DGKD: variants seen among roughly 807,000 people sequenced by gnomAD.
DGKD encodes diacylglycerol kinase delta, also known as DAG kinase delta.
DGKD carries 68 observed loss-of-function variants against 154.4 expected under a neutral mutation model. The observed-to-expected ratio is 0.44, with a 90% CI of 0.36 to 0.54. The LOEUF (loss-of-function observed/expected upper bound fraction) is 0.54, where lower values mean the gene tolerates loss of function less well. DGKD is among the 20% of genes least tolerant of loss of function. The pLI is 0.00. For synonymous variants in DGKD, 693 were observed against 638.0 expected (o/e 1.09, Z -1.30); for missense variants, 1,343 against 1,593.6 (o/e 0.84, Z 2.68).
At chr2:233,424,352 T>C (rs1348694208) in intron 3 of DGKD, among the ~76,000 whole-genome samples, 1 of 152,238 alleles carries the variant, frequency 6.6e-6, no homozygotes, top group African/African-American at 2.4e-5. Context: ...CTGATGTCAA[T>C]CAGTGAACTG....
At chr2:233,456,175 G>T (rs2063454233) in intron 19 of DGKD, among the ~76,000 whole-genome samples, 1 of 152,198 alleles carries the variant, frequency 6.6e-6, no homozygotes, top group African/African-American at 2.4e-5. Context: ...GAAGTCATTG[G>T]AAATGTTGGT....
intron 29 of DGKD, among the ~76,000 whole-genome samples, 192 bp downstream of exon 29, chr2:233,468,745 G>A (rs934833980): frequency 6.6e-6 from 1 of 152,226 alleles, no homozygotes; most frequent in African/African-American, 2.4e-5. Context: ...ACCAGAGGAA[G>A]CCAGGAGCAG....
In DGKD at chr2:233,354,784, C is replaced by T. The variant is rs1574965251; in HGVS notation, c.156+110C>T. 3.6e-6 allele frequency: 2 copies of T among 551,420 alleles called. No individual in the cohort carries two copies. Among genetic ancestry groups the T allele is most frequent in the African/African-American group, 2.1e-5 (1 of 48,386 alleles). 34.2% of individuals were successfully genotyped at this position (551,420 alleles called of 1,614,324 possible). On this transcript the variant is annotated intron_variant, in intron 1 of 29. Transcript: ENST00000264057. The surrounding 1 kb of genome is among the most constrained non-coding windows in gnomAD (Gnocchi z 4.8). ...CGCCCAGGCCCGGCTCGGCCCGGCC[C>T]GGGGTCCCGCGGGCGTCACCGCCCC...
In DGKD at chr2:233,457,309, G is replaced by T; in HGVS notation, c.2561G>T (p.Gly854Val). The change falls in exon 21 of 30, where the codon GGG (glycine) becomes GTG (valine). Residue 854 changes from glycine to valine, a missense_variant. Coordinates refer to ENST00000264057, the MANE Select transcript of DGKD (RefSeq NM_152879.3). The surrounding 1 kb of genome is among the most constrained non-coding windows in gnomAD (Gnocchi z 5.5). Reference sequence around the variant, plus strand: ...TATGCCGGAGGAACCAACTTCTGGGGGGGTACCAAGGAAGATGATGTATGT... The same window carrying T: ...TATGCCGGAGGAACCAACTTCTGGGTGGGTACCAAGGAAGATGATGTATGT... ...PSYAGGTNFW[G>V]GTKEDDTFAA... is the part of the protein sequence containing the mutation. 2.0e-6 allele frequency: 3 copies of T among 1,536,746 alleles called. No individual in the cohort carries two copies. Among genetic ancestry groups the T allele is most frequent in the Non-Finnish European group, 2.6e-6 (3 of 1,140,880 alleles).
chr2:233,371,435 G>C (rs1401151219), intron 1 of DGKD, among the ~76,000 whole-genome samples: 10 of 151,988 alleles, frequency 6.6e-5, no homozygotes, highest in Admixed American at 5.2e-4. Context: ...TATATTTTGG[G>C]TACTAGAACT....
intron 1 of DGKD, among the ~76,000 whole-genome samples, chr2:233,361,675 A>T (rs2125376785): frequency 6.6e-6 from 1 of 152,390 alleles, no homozygotes; most frequent in East Asian, 1.9e-4. Context: ...CACACTGGCC[A>T]GATGGCTCAC....
intron 1 of DGKD, among the ~76,000 whole-genome samples, chr2:233,387,287 G>T (rs1174221427): frequency 6.6e-6 from 1 of 152,220 alleles, no homozygotes; most frequent in African/African-American, 2.4e-5. Flanking sequence ...GAACCAATGT[G>T]CTTGTCTTTG....
chr2:233,455,836 A>G (rs575960552), intron 19 of DGKD, among the ~76,000 whole-genome samples: 1 of 152,336 alleles, frequency 6.6e-6, no homozygotes, highest in South Asian at 2.1e-4. Context: ...GGAAAACAAA[A>G]GCATCAGAAC....
intron 3 of DGKD, among the ~76,000 whole-genome samples, chr2:233,400,648 C>G (rs1003581709): frequency 6.6e-6 from 1 of 152,140 alleles, no homozygotes; most frequent in South Asian, 2.1e-4. Flanking sequence ...ATTTGACTCC[C>G]TCAGTGGGTG....
In DGKD at chr2:233,458,150, G is replaced by A. The variant is rs996505329; in HGVS notation, c.2581-134G>A. The A allele has an allele frequency of 3.9e-5, 22 of 561,902 alleles. No individual in the cohort carries two copies. The highest frequency in any genetic ancestry group is 1.5e-4 in the African/African-American group (8 of 53,874). 34.8% of individuals were successfully genotyped at this position (561,902 alleles called of 1,614,324 possible). A position where few individuals can be genotyped will look rare whatever the true frequency, so the allele number is the denominator to read the frequency against. On this transcript the variant is annotated intron_variant, in intron 21 of 29. Coordinates refer to ENST00000264057, the MANE Select transcript of DGKD (RefSeq NM_152879.3). This position sits in a 1 kb window ranked among gnomAD's most constrained non-coding sequence, Gnocchi z 6.6. ...TTTCAGGGCCTGCAACATGAAGCCC[G>A]TCAGGAGTGCAGTTACCTGGTAACT...
chr2:233,437,359 CG>C lies in DGKD; in HGVS notation c.820-14del, dbSNP rs1388907811. 1 of 1,611,226 alleles carries C rather than the reference CG, an allele frequency of 6.2e-7. No individual in the cohort carries two copies. Among genetic ancestry groups the C allele is most frequent in the Admixed American group, 1.7e-5 (1 of 59,988 alleles). On this transcript the variant is annotated splice_polypyrimidine_tract_variant and intron_variant, in intron 7 of 29. Coordinates refer to ENST00000264057, the MANE Select transcript of DGKD (RefSeq NM_152879.3). ...AGGATGCCAGTGACCCTTGGTGACG[CG>C]GGGACTCTTGTTTCAGGTTCACACA...
At chr2:233,369,874 G>A (rs1011797756) in intron 1 of DGKD, among the ~76,000 whole-genome samples, 2 of 152,150 alleles carry the variant, frequency 1.3e-5, no homozygotes, top group South Asian at 4.1e-4. Flanking sequence ...TTCTGTGTCT[G>A]AGGGTAAAGG....
Position 233,446,733 on chromosome 2 carries a change from G to A in DGKD, c.1356G>A (p.Glu452=), listed in dbSNP as rs1298553042. 1.2e-6 allele frequency: 2 copies of A among 1,614,070 alleles called. No individual in the cohort carries two copies. Among genetic ancestry groups the A allele is most frequent in the Admixed American group, 3.3e-5 (2 of 60,032 alleles). ...MLDRWSVMAY[E]AKLPRQASSS... is the part of the protein sequence containing the mutation. ...GCAGGTGGAGCGTCATGGCATACGA[G>A]GCCAAGCTCCCCCGGCAGGCCTCCT... Residue 452 remains glutamate, a synonymous_variant, in exon 12 of 30, where the codon GAG becomes GAA. Transcript: ENST00000264057.
chr2:233,459,972 CT>C lies in DGKD; in HGVS notation c.2829+86del, dbSNP rs1198394878. On this transcript the variant is annotated intron_variant, in intron 23 of 29. Coordinates refer to ENST00000264057, the MANE Select transcript of DGKD (RefSeq NM_152879.3). This position sits in a 1 kb window ranked among gnomAD's most constrained non-coding sequence, Gnocchi z 5.7. ...TTGTGTGCACTGTTAAGAGCTGGAGCTTTTTGTGTTTTGTTCTAGGATTTTT... is the reference window on the plus strand; with the variant it reads ...TTGTGTGCACTGTTAAGAGCTGGAGCTTTTGTGTTTTGTTCTAGGATTTTT... 14 of 1,504,024 alleles carry C rather than the reference CT, an allele frequency of 9.3e-6. No homozygotes were observed. The highest frequency in any genetic ancestry group is 1.1e-5 in the Non-Finnish European group (13 of 1,130,684). 93.2% of individuals were successfully genotyped at this position (1,504,024 alleles called of 1,614,324 possible). A position where few individuals can be genotyped will look rare whatever the true frequency, so the allele number is the denominator to read the frequency against.
intron 3 of DGKD, among the ~76,000 whole-genome samples, chr2:233,417,377 G>A (rs550334022): frequency 5.3e-5 from 8 of 152,292 alleles, no homozygotes; most frequent in African/African-American, 2.4e-5. Context: ...ATTTACTGTA[G>A]TGTTTATGTG....
Position 233,462,360 on chromosome 2 carries a change from A to G in DGKD, c.2994A>G (p.Ile998Met), listed in dbSNP as rs945509480. The G allele has an allele frequency of 4.4e-6, 7 of 1,600,302 alleles. No homozygotes were observed. The highest frequency in any genetic ancestry group is 1.3e-5 in the African/African-American group (1 of 74,678). ...AGVLIHSIRE[I>M]AQSHRDMEQE... is the part of the protein sequence containing the mutation. The stretch of plus-strand genomic sequence containing the variant: ...TCTTCCTCTCTAGTATCCGAGAAAT[A>G]GCTCAGTCTCACCGGGACATGGAGC... Residue 998 changes from isoleucine to methionine, a missense_variant, in exon 25 of 30, where the codon ATA becomes ATG. This residue lies in a region of DGKD where 429 missense variants were observed against 496.3 expected (regional missense o/e 0.86). Transcript: ENST00000264057.
Position 233,437,287 on chromosome 2 carries a change from A to T in DGKD, c.820-90A>T, listed in dbSNP as rs779242200. ...GCTCTGAAATCACCTGCCTCCCCCG[A>T]GGCCAGCTCATCAGCTACAGGGCAG... On this transcript the variant is annotated intron_variant, in intron 7 of 29. Transcript: ENST00000264057. 28 of 1,227,500 alleles carry T rather than the reference A, an allele frequency of 2.3e-5. No individual in the cohort carries two copies. In the East Asian group the frequency reaches 6.1e-4, roughly 27 times the overall value. 76.0% of individuals were successfully genotyped at this position (1,227,500 alleles called of 1,614,324 possible).
Position 233,449,224 on chromosome 2 carries a change from G to T in DGKD, c.1736G>T (p.Gly579Val). 6.2e-7 allele frequency: 1 copy of T among 1,613,896 alleles called. No homozygotes were observed. The highest frequency in any genetic ancestry group is 8.5e-7 in the Non-Finnish European group (1 of 1,179,996). Residue 579 changes from glycine to valine, a missense_variant, in exon 15 of 30, where the codon GGG becomes GTG. Gly to Val is a moderately radical substitution (Grantham distance 109, BLOSUM62 -3). Coordinates refer to ENST00000264057, the MANE Select transcript of DGKD (RefSeq NM_152879.3). The surrounding 1 kb of genome is among the most constrained non-coding windows in gnomAD (Gnocchi z 5.3). ...TIAEEAEDGD[G>V]SGSICGSTGD... ...GCCGAGGAGGCTGAAGATGGAGATGGGTCGGGCAGCATCTGCGGTTCCACC... is the reference window on the plus strand; with the variant it reads ...GCCGAGGAGGCTGAAGATGGAGATGTGTCGGGCAGCATCTGCGGTTCCACC...
chr2:233,402,146 C>T (rs774217915), intron 3 of DGKD, among the ~76,000 whole-genome samples: 2 of 152,048 alleles, frequency 1.3e-5, no homozygotes, highest in Non-Finnish European at 2.9e-5. Flanking sequence ...CGACCCTGTC[C>T]GTTTCCTCCT....
Sources: gnomAD v4.1 joint callset for allele counts (sites outside exome capture counted in the v4.1 genomes callset) on GRCh38, gnomAD v4.1.1 for gene constraint, gnomAD v4.1.1 regional missense constraint, Gnocchi (gnomAD v3.1) non-coding constraint, MANE v1.5 for transcripts, NCBI Gene and HGNC (gene_info 2026-07-23, HGNC 2026-07-21) for gene names.